The following DCLK2 variants were observed in gnomAD, a reference collection of about 807,000 sequenced individuals.
DCLK2 encodes the protein serine/threonine-protein kinase DCLK2.
Under a neutral mutation model 78.4 loss-of-function variants are expected in DCLK2, and 31 were observed. The ratio of observed to expected loss-of-function variants is 0.40; its 90% CI spans 0.30 to 0.53. The LOEUF (loss-of-function observed/expected upper bound fraction) is 0.53. DCLK2 is among the 20% of genes least tolerant of loss of function. DCLK2 has a pLI of 0.61. For synonymous variants in DCLK2, 407 were observed against 374.9 expected, an observed-to-expected ratio of 1.09 and a Z score of -0.99; for missense variants, 872 against 973.7, an observed-to-expected ratio of 0.90 and a Z score of 1.39.
chr4:150,122,975 C>T (rs1732670195), intron 2 of DCLK2, among the ~76,000 whole-genome samples: 1 of 152,206 alleles, frequency 6.6e-6, no homozygotes, highest in Non-Finnish European at 1.5e-5. Flanking sequence ...TCTCAGCCTT[C>T]ATAGAATTGA....
At chr4:150,189,004 A>G (rs72732416) in intron 2 of DCLK2, among the ~76,000 whole-genome samples, 1 of 151,874 alleles carries the variant, frequency 6.6e-6, no homozygotes, top group Non-Finnish European at 1.5e-5. Context: ...CTTCTATTCC[A>G]GATAGTACCT....
chr4:150,106,273 A>G (rs1465823759), intron 2 of DCLK2, among the ~76,000 whole-genome samples: 2 of 152,168 alleles, frequency 1.3e-5, no homozygotes, highest in African/African-American at 4.8e-5. Flanking sequence ...TGATATAAGT[A>G]TAAAGATACT....
At chr4:150,102,399 T>C (rs1730949586) in intron 1 of DCLK2, 79 bp from the exon 2 acceptor site, 1 of 1,416,054 alleles carries the variant, frequency 7.1e-7, no homozygotes, top group Non-Finnish European at 9.6e-7. Flanking sequence ...ACTTAATGGG[T>C]TTCCAGCATC....
intron 2 of DCLK2, among the ~76,000 whole-genome samples, chr4:150,134,540 G>A (rs1349433819): frequency 6.6e-6 from 1 of 152,118 alleles, no homozygotes; most frequent in Non-Finnish European, 1.5e-5. Context: ...TTTTTTATGT[G>A]AAGTAAGGGT....
intron 5 of DCLK2, among the ~76,000 whole-genome samples, chr4:150,212,380 A>C (rs1424196519): frequency 1.3e-5 from 2 of 152,180 alleles, no homozygotes; most frequent in African/African-American, 4.8e-5. Flanking sequence ...CTTCTTTTCG[A>C]AGCTGTGAAA....
chr4:150,093,637 C>A (rs1049608248), intron 1 of DCLK2, among the ~76,000 whole-genome samples: 5 of 152,214 alleles, frequency 3.3e-5, no homozygotes, highest in Non-Finnish European at 5.9e-5. Context: ...CCACCTTGGG[C>A]TCCCAAAGTG....
At chr4:150,097,487 T>C (rs1730549654) in intron 1 of DCLK2, among the ~76,000 whole-genome samples, 1 of 152,160 alleles carries the variant, frequency 6.6e-6, no homozygotes, top group Non-Finnish European at 1.5e-5. Flanking sequence ...TTTAATGACC[T>C]CTTTCTTCTT....
chr4:150,229,269 A>C, intron 8 of DCLK2, among the ~76,000 whole-genome samples: 1 of 152,176 alleles, frequency 6.6e-6, no homozygotes, highest in Non-Finnish European at 1.5e-5. Flanking sequence ...TTGAGGTTGC[A>C]GTGAGCTGGG....
Position 150,129,914 on chromosome 4 carries a change from G to A in DCLK2, c.756+27102G>A, listed in dbSNP as rs192703605. Among the ~76,000 whole-genome samples, 406 of 152,032 alleles carry A rather than the reference G, an allele frequency of 2.7e-3. 1 individual carries two copies. The highest frequency in any genetic ancestry group is 6.2e-3 in the South Asian group (30 of 4,822). On this transcript the variant is annotated intron_variant, in intron 2 of 15. Transcript: ENST00000296550. ...CTCCATTAATGATTTGGCTTTTCAT[G>A]CAGTTGTATTTGCAGTTTGTGTACT... is the stretch of plus-strand genomic sequence containing the variant.
Position 150,249,647 on chromosome 4 carries a change from A to G in DCLK2, c.2036A>G (p.Lys679Arg). The change falls in exon 15 of 16, where the codon AAA becomes AGA. Residue 679 changes from lysine to arginine, a missense_variant. Around this residue, in one of 3 missense-constraint regions of DCLK2, gnomAD observed 219 missense variants for 230.1 expected, o/e 0.95. Transcript: ENST00000296550. ...LKQHFNNALP[K>R]QNSTTTGVSV... ...CAGCACTTTAATAATGCGCTCCCCAAACAGAACAGCACTACCACCGGGGTC... is the reference window on the plus strand; with the variant it reads ...CAGCACTTTAATAATGCGCTCCCCAGACAGAACAGCACTACCACCGGGGTC... The G allele has an allele frequency of 1.2e-6, 2 of 1,613,752 alleles. No homozygotes were observed. Among genetic ancestry groups the G allele is most frequent in the East Asian group, 2.2e-5 (1 of 44,880 alleles).
intron 2 of DCLK2, among the ~76,000 whole-genome samples, chr4:150,168,204 G>A (rs1043615943): frequency 4.6e-5 from 7 of 152,082 alleles, no homozygotes; most frequent in African/African-American, 7.2e-5. Context: ...TTAGCTGGGC[G>A]TGGTGGCAGG....
At chr4:150,160,081 C>A (rs754829462) in intron 2 of DCLK2, among the ~76,000 whole-genome samples, 21 of 151,120 alleles carry the variant, frequency 1.4e-4, no homozygotes, top group South Asian at 6.3e-4. Context: ...GTGGTGTGAT[C>A]GCTGCTCACT....
At chr4:150,090,803 G>A (rs1330517811) in intron 1 of DCLK2, among the ~76,000 whole-genome samples, 2 of 152,164 alleles carry the variant, frequency 1.3e-5, no homozygotes, top group African/African-American at 4.8e-5. Flanking sequence ...ACAACTGGAT[G>A]TGACTTTAGG....
chr4:150,184,166 A>G (rs1267174372), intron 2 of DCLK2, among the ~76,000 whole-genome samples: 1 of 152,258 alleles, frequency 6.6e-6, no homozygotes, highest in Non-Finnish European at 1.5e-5. Flanking sequence ...TGAGAGGTCC[A>G]GACACAAAAC....
At chr4:150,092,681 A>G (rs1279911335) in intron 1 of DCLK2, among the ~76,000 whole-genome samples, 4 of 152,286 alleles carry the variant, frequency 2.6e-5, no homozygotes, top group African/African-American at 9.6e-5. Context: ...TTGAATATTA[A>G]AGGATAAAGA....
At chr4:150,198,914 C>CT (rs1001828332) in intron 4 of DCLK2, 2 of 573,060 alleles carry the variant, frequency 3.5e-6, no homozygotes, top group African/African-American at 1.9e-5. Context: ...TTCAGCACCC[C>CT]CCCCCCCACT....
In DCLK2 at chr4:150,158,936, A is replaced by G. The variant is rs553269514; in HGVS notation, c.757-34202A>G. On this transcript the variant is annotated intron_variant, in intron 2 of 15. Transcript: ENST00000296550. The stretch of plus-strand genomic sequence containing the variant: ...CTCAGGCATGGAGGAATGAAAATGC[A>G]GGGCTTACTGGAAGAATCATGAATA... 1.1e-4 allele frequency among the ~76,000 whole-genome samples: 16 copies of G among 152,294 alleles called. No individual in the cohort carries two copies. In the South Asian group the frequency reaches 2.9e-3, roughly 28 times the overall value.
At chr4:150,201,332 C>T (rs1324564383) in intron 4 of DCLK2, among the ~76,000 whole-genome samples, 1 of 152,050 alleles carries the variant, frequency 6.6e-6, no homozygotes, top group Non-Finnish European at 1.5e-5. Context: ...GCGGCAGCAG[C>T]GGAAGTTGCA....
At chr4:150,089,546 A>T (rs1453517369) in intron 1 of DCLK2, among the ~76,000 whole-genome samples, 4 of 152,242 alleles carry the variant, frequency 2.6e-5, no homozygotes, top group Admixed American at 2.6e-4. Context: ...TCAAACTTTA[A>T]CAATGGTAGC....
Sources: gnomAD v4.1 joint callset for allele counts (sites outside exome capture counted in the v4.1 genomes callset) on GRCh38, gnomAD v4.1.1 for gene constraint, gnomAD v4.1.1 regional missense constraint, MANE v1.5 for transcripts, NCBI Gene and HGNC (gene_info 2026-07-23, HGNC 2026-07-21) for gene names.